Variants in TANC2 observed in about 807,000 individuals in gnomAD.
TANC2 encodes tetratricopeptide repeat, ankyrin repeat and coiled-coil containing 2.
Under a neutral mutation model 210.5 loss-of-function variants are expected in TANC2, and 26 were observed. The observed-to-expected ratio is 0.12, with a 90% CI of 0.09 to 0.17. TANC2 has a LOEUF of 0.17. Ranked by LOEUF, TANC2 falls within the 10% of genes least tolerant of loss-of-function variation. TANC2 has a pLI of 1.00. For missense variants in TANC2, 2,129 were observed against 2,608.9 expected (o/e 0.82, Z 4.01); for synonymous variants, 931 against 967.1 (o/e 0.96, Z 0.69).
intron 2 of TANC2, among the ~76,000 whole-genome samples, chr17:63,023,882 T>C (rs2034447402): frequency 6.6e-6 from 1 of 152,026 alleles, no homozygotes; most frequent in Admixed American, 6.6e-5. Context: ...AAATCTGAAC[T>C]GACTGGTTTT....
In TANC2 at chr17:63,114,662, A is replaced by G. The variant is rs1268310531; in HGVS notation, c.322+15305A>G. ...TACATCTCTTCATAAATATTACCCT[A>G]CCTTTAAGCACAATAGAGTTTAGCA... is the stretch of plus-strand genomic sequence containing the variant. On this transcript the variant is annotated intron_variant, in intron 4 of 27. Coordinates refer to ENST00000689528, the Ensembl canonical transcript of TANC2. Among the ~76,000 whole-genome samples, 18 of 152,254 alleles carry G rather than the reference A, an allele frequency of 1.2e-4. No homozygotes were observed. In the South Asian group the frequency reaches 3.1e-3, roughly 26 times the overall value.
intron 8 of TANC2, among the ~76,000 whole-genome samples, chr17:63,241,798 A>G (rs1444722698): frequency 6.6e-6 from 1 of 152,228 alleles, no homozygotes; most frequent in African/African-American, 2.4e-5. Flanking sequence ...ACATGACTTC[A>G]TGAATTACAT....
intron 5 of TANC2, among the ~76,000 whole-genome samples, chr17:63,183,069 G>T (rs988495968): frequency 2.1e-5 from 2 of 95,800 alleles, no homozygotes; most frequent in Non-Finnish European, 4.0e-5. Flanking sequence ...CACATAATAG[G>T]ACCTTTTTTT....
At chr17:63,048,260 C>T (rs1466673898) in intron 2 of TANC2, among the ~76,000 whole-genome samples, 1 of 152,088 alleles carries the variant, frequency 6.6e-6, no homozygotes, top group African/African-American at 2.4e-5. Flanking sequence ...TGAACTCCAT[C>T]AAGTAAAACA....
chr17:63,380,444 A>G (rs558536063), intron 15 of TANC2, among the ~76,000 whole-genome samples: 1 of 152,366 alleles, frequency 6.6e-6, no homozygotes, highest in East Asian at 1.9e-4. Flanking sequence ...TTGTTTATTC[A>G]TCACTTACTG....
In TANC2 at chr17:63,367,484, G is replaced by A. The variant is rs2047144743; in HGVS notation, c.2582+12094G>A. ...AAAACAATTCTTCTTCTTCCAGTGT[G>A]GCCCCAGGAAGCCAAAAGATTGGAT... On this transcript the variant is annotated intron_variant, in intron 14 of 27. Coordinates refer to ENST00000689528, the Ensembl canonical transcript of TANC2. Among the ~76,000 whole-genome samples, 2 of 152,084 alleles carry A rather than the reference G, an allele frequency of 1.3e-5. 1 individual carries two copies. The highest frequency in any genetic ancestry group is 4.1e-4 in the South Asian group (2 of 4,826).
Position 63,103,647 on chromosome 17 carries a change from C to T in TANC2, c.322+4290C>T, listed in dbSNP as rs151199649. 3.4e-3 allele frequency among the ~76,000 whole-genome samples: 512 copies of T among 152,114 alleles called. 2 individuals carry two copies. The highest frequency in any genetic ancestry group is 5.9e-3 in the Non-Finnish European group (398 of 67,998). The stretch of plus-strand genomic sequence containing the variant: ...CACATTGTTTTATACTTTTTAAAAA[C>T]CGTGTTTAAGGGCTCAGAAAGTGTT... On this transcript the variant is annotated intron_variant, in intron 4 of 27. Transcript: ENST00000689528.
intron 1 of TANC2, among the ~76,000 whole-genome samples, chr17:62,969,746 C>CT (rs913724357): frequency 4.6e-5 from 7 of 151,844 alleles, no homozygotes; most frequent in Non-Finnish European, 7.4e-5. Flanking sequence ...CACACACAGC[C>CT]TTTTTAAGAG....
At chr17:63,294,307 C>G (rs2044469209) in intron 9 of TANC2, among the ~76,000 whole-genome samples, 1 of 152,066 alleles carries the variant, frequency 6.6e-6, no homozygotes, top group Admixed American at 6.6e-5. Flanking sequence ...GAAACCCTGT[C>G]TCTACAAAGA....
intron 12 of TANC2, among the ~76,000 whole-genome samples, chr17:63,341,115 T>C (rs1023445649): frequency 6.6e-6 from 1 of 152,232 alleles, no homozygotes; most frequent in Admixed American, 6.5e-5. Flanking sequence ...TGTTTATTCC[T>C]GAGAGACTTA....
chr17:63,082,554 G>A (rs1398467422), intron 3 of TANC2, among the ~76,000 whole-genome samples: 2 of 152,136 alleles, frequency 1.3e-5, no homozygotes, highest in Non-Finnish European at 2.9e-5. Flanking sequence ...GATTTATTAA[G>A]AAGGAAGGGG....
At chr17:63,246,259 T>G (rs1056372810) in intron 8 of TANC2, among the ~76,000 whole-genome samples, 4 of 151,984 alleles carry the variant, frequency 2.6e-5, no homozygotes, top group African/African-American at 4.8e-5. Context: ...TTTTTGTTTT[T>G]TTTTCTAAAG....
intron 9 of TANC2, among the ~76,000 whole-genome samples, chr17:63,275,823 G>A (rs147573773): frequency 7.2e-4 from 110 of 152,256 alleles, no homozygotes; most frequent in African/African-American, 2.5e-3. Flanking sequence ...CTGCAGAGAA[G>A]ACTGTGAAGT....
intron 8 of TANC2, among the ~76,000 whole-genome samples, chr17:63,258,851 T>C (rs2146211173): frequency 6.6e-6 from 1 of 152,202 alleles, no homozygotes; most frequent in South Asian, 2.1e-4. Flanking sequence ...TGGTACCCTA[T>C]CTATAATACA....
chr17:62,999,146 C>G (rs2033253836), intron 1 of TANC2, among the ~76,000 whole-genome samples: 1 of 152,148 alleles, frequency 6.6e-6, no homozygotes, highest in Non-Finnish European at 1.5e-5. Flanking sequence ...GCTACCTTTA[C>G]AGTAGTGAGT....
chr17:63,408,494 T>C (rs1371790213), intron 21 of TANC2, among the ~76,000 whole-genome samples: 3 of 152,268 alleles, frequency 2.0e-5, no homozygotes, highest in Non-Finnish European at 2.9e-5. Context: ...CTTATCCTAC[T>C]CTTTCCTCCA....
intron 5 of TANC2, among the ~76,000 whole-genome samples, chr17:63,160,846 T>C (rs1410761486): frequency 6.6e-6 from 1 of 152,238 alleles, no homozygotes; most frequent in African/African-American, 2.4e-5. Flanking sequence ...TTATGTGTGT[T>C]TGTCTCTTCA....
At chr17:63,215,845 G>A (rs1024272693) in intron 7 of TANC2, among the ~76,000 whole-genome samples, 9 of 152,048 alleles carry the variant, frequency 5.9e-5, no homozygotes, top group Non-Finnish European at 1.0e-4. Flanking sequence ...CACCTCCTGG[G>A]TTCACGCCAT....
chr17:63,340,327 A>T, exon 12 of TANC2: 2 of 1,613,606 alleles, frequency 1.2e-6, no homozygotes, highest in Non-Finnish European at 1.7e-6. Flanking sequence ...GAAAATCTCC[A>T]TAAAGGTACA....
Sources: gnomAD v4.1 joint callset for allele counts (sites outside exome capture counted in the v4.1 genomes callset) on GRCh38, gnomAD v4.1.1 for gene constraint, MANE v1.5 for transcripts, NCBI Gene and HGNC (gene_info 2026-07-23, HGNC 2026-07-21) for gene names.